STX8: variants seen among roughly 807,000 people sequenced by gnomAD.
STX8 encodes the protein syntaxin 8.
A neutral mutation model predicts 37.5 loss-of-function variants in STX8; 23 were observed. That is an observed-to-expected ratio of 0.61 (90% CI 0.44 to 0.87). The LOEUF is 0.87. Among genes scored for constraint, STX8 ranks in the 40% least tolerant of loss-of-function variants. The probability of loss-of-function intolerance (pLI) is 0.00; values close to 1 mark genes in which losing one functional copy is unlikely to be tolerated. For synonymous variants in STX8, 115 were observed against 99.1 expected (o/e 1.16, Z -0.95); for missense variants, 313 against 284.7 (o/e 1.10, Z -0.71).
At chr17:9,302,472 C>T (rs1447036521) in intron 7 of STX8, among the ~76,000 whole-genome samples, 1 of 152,120 alleles carries the variant, frequency 6.6e-6, no homozygotes, top group Non-Finnish European at 1.5e-5. Context: ...CCTTAAGTTA[C>T]CTATTCTTAT....
intron 1 of STX8, among the ~76,000 whole-genome samples, chr17:9,574,669 G>T (rs555552113): frequency 1.3e-5 from 2 of 152,078 alleles, no homozygotes; most frequent in Admixed American, 1.3e-4. Flanking sequence ...CGAGTAGCTG[G>T]GATTACAGGC....
chr17:9,364,955 G>A (rs745706799), intron 7 of STX8, among the ~76,000 whole-genome samples: 4 of 150,914 alleles, frequency 2.7e-5, no homozygotes, highest in Non-Finnish European at 5.9e-5. Context: ...TATTTTAAAT[G>A]ACTACCTAAT....
chr17:9,286,514 G>A (rs915523507), intron 7 of STX8, among the ~76,000 whole-genome samples: 5 of 152,148 alleles, frequency 3.3e-5, no homozygotes, highest in Non-Finnish European at 7.3e-5. Context: ...TGGTAGGGAG[G>A]CTCTGCAGCG....
intron 7 of STX8, among the ~76,000 whole-genome samples, chr17:9,255,316 C>A (rs367880464): frequency 6.6e-6 from 1 of 151,706 alleles, no homozygotes; most frequent in East Asian, 1.9e-4. Flanking sequence ...CATCTGAGGT[C>A]AGGAGTTTGA....
chr17:9,482,083 G>A (rs1262023272), intron 6 of STX8, among the ~76,000 whole-genome samples: 1 of 152,112 alleles, frequency 6.6e-6, no homozygotes, highest in African/African-American at 2.4e-5. Flanking sequence ...CAGGCAGGAG[G>A]ATGGCTTCAT....
At chr17:9,563,541 A>G (rs897682414) in intron 2 of STX8, among the ~76,000 whole-genome samples, 19 of 152,240 alleles carry the variant, frequency 1.2e-4, no homozygotes, top group African/African-American at 4.1e-4. Flanking sequence ...ACAGAGACAC[A>G]CACATACACA....
At chr17:9,468,511 T>A (rs1047238296) in intron 6 of STX8, among the ~76,000 whole-genome samples, 1 of 152,208 alleles carries the variant, frequency 6.6e-6, no homozygotes, top group African/African-American at 2.4e-5. Flanking sequence ...TCAGTCCCCA[T>A]CCGACCCAGG....
At chr17:9,269,241 G>A (rs1907361479) in intron 7 of STX8, among the ~76,000 whole-genome samples, 1 of 152,078 alleles carries the variant, frequency 6.6e-6, no homozygotes. Context: ...GTGGCAGAGT[G>A]GAAAGACTGG....
At chr17:9,291,178 A>G (rs1176734061) in intron 7 of STX8, among the ~76,000 whole-genome samples, 1 of 152,194 alleles carries the variant, frequency 6.6e-6, no homozygotes, top group Non-Finnish European at 1.5e-5. Flanking sequence ...GGCTGGGCGC[A>G]GTGGCTCACA....
intron 7 of STX8, among the ~76,000 whole-genome samples, chr17:9,297,765 G>C (rs541892457): frequency 2.0e-5 from 3 of 152,106 alleles, no homozygotes; most frequent in African/African-American, 7.2e-5. Flanking sequence ...AGTCCCAGCT[G>C]CCTGGGAGGT....
chr17:9,539,952 T>C (rs761818140), intron 4 of STX8, among the ~76,000 whole-genome samples: 6 of 152,172 alleles, frequency 3.9e-5, no homozygotes, highest in Non-Finnish European at 5.9e-5. Flanking sequence ...CGAATTGTAA[T>C]TGAACATGTC....
intron 6 of STX8, among the ~76,000 whole-genome samples, chr17:9,489,757 C>T (rs1007770984): frequency 6.7e-6 from 1 of 148,224 alleles, no homozygotes; most frequent in African/African-American, 2.5e-5. Context: ...GGCACAATCT[C>T]GGCTCACTGC....
chr17:9,392,870 A>C (rs769744728), intron 6 of STX8, among the ~76,000 whole-genome samples: 4 of 152,222 alleles, frequency 2.6e-5, no homozygotes, highest in Non-Finnish European at 5.9e-5. Context: ...AATGGGAAAA[A>C]GTCAAACATT....
chr17:9,289,285 A>AG (rs1252259244), intron 7 of STX8, among the ~76,000 whole-genome samples: 3 of 152,176 alleles, frequency 2.0e-5, no homozygotes, highest in African/African-American at 2.4e-5. Context: ...GGGAGGCTTA[A>AG]GGGGGTAAAT....
chr17:9,329,316 C>G (rs575884416), intron 7 of STX8, among the ~76,000 whole-genome samples: 1 of 152,272 alleles, frequency 6.6e-6, no homozygotes, highest in East Asian at 1.9e-4. Flanking sequence ...CAACAATATT[C>G]TACATTTTGC....
At chr17:9,342,239 C>T (rs933464081) in intron 7 of STX8, among the ~76,000 whole-genome samples, 2 of 152,144 alleles carry the variant, frequency 1.3e-5, no homozygotes, top group African/African-American at 4.8e-5. Flanking sequence ...GCTCGCTCAA[C>T]CACCGCTCAC....
At chr17:9,477,638 T>C (rs1906159433) in intron 6 of STX8, among the ~76,000 whole-genome samples, 1 of 152,218 alleles carries the variant, frequency 6.6e-6, no homozygotes, top group Non-Finnish European at 1.5e-5. Flanking sequence ...TTGGTAAATG[T>C]AAATAAAATA....
intron 7 of STX8, among the ~76,000 whole-genome samples, chr17:9,304,398 T>A (rs1448460050): frequency 6.6e-6 from 1 of 150,810 alleles, no homozygotes; most frequent in Non-Finnish European, 1.5e-5. Context: ...TGGTGGCGCA[T>A]GCCTGTAATC....
At chr17:9,550,973 G>A (rs1331857566) in intron 3 of STX8, among the ~76,000 whole-genome samples, 3 of 152,186 alleles carry the variant, frequency 2.0e-5, no homozygotes, top group Non-Finnish European at 4.4e-5. Flanking sequence ...TACTTGGGAG[G>A]CTGGGGTAGG....
Sources: allele counts gnomAD v4.1 joint callset (sites outside exome capture counted in the v4.1 genomes callset), GRCh38; gene constraint gnomAD v4.1.1; transcripts MANE v1.5; gene names NCBI Gene and HGNC (gene_info 2026-07-23, HGNC 2026-07-21).